The following IL1RAPL1 variants were observed in gnomAD, a reference collection of about 807,000 sequenced individuals.
IL1RAPL1 encodes the protein interleukin 1 receptor accessory protein like 1, also known as interleukin-1 receptor accessory protein-like 1.
Under a neutral mutation model 48.4 loss-of-function variants are expected in IL1RAPL1, and 3 were observed. That is an observed-to-expected ratio of 0.06 (90% CI 0.03 to 0.16). IL1RAPL1 has a LOEUF of 0.16. IL1RAPL1 is among the 10% of genes least tolerant of loss of function. The probability of loss-of-function intolerance (pLI) is 1.00; values close to 1 mark genes in which losing one functional copy is unlikely to be tolerated. For synonymous variants in IL1RAPL1, 185 were observed against 187.7 expected (o/e 0.99, Z 0.12); for missense variants, 349 against 530.6 (o/e 0.66, Z 3.36).
At chrX:29,289,592 G>A (rs770499857) in intron 3 of IL1RAPL1, among the ~76,000 whole-genome samples, 24 of 111,639 alleles carry the variant, frequency 2.1e-4, no homozygotes, top group Non-Finnish European at 4.3e-4. Flanking sequence ...GCATAAGTTT[G>A]TCTATGTCTA....
At chrX:29,444,390 A>G (rs1257063827) in intron 5 of IL1RAPL1, among the ~76,000 whole-genome samples, 1 of 109,449 alleles carries the variant, frequency 9.1e-6, no homozygotes, top group East Asian at 2.8e-4. Flanking sequence ...ATATGCATAC[A>G]GAAATGGAAG....
At position 29,498,413 on chromosome X, in the gene IL1RAPL1, A is replaced by C. The variant is rs757422363; in HGVS notation, c.703+99105A>C. Among the ~76,000 whole-genome samples the C allele has an allele frequency of 5.0e-4, 55 of 110,481 alleles. 1 individual carries two copies. In the Admixed American group the frequency reaches 5.3e-3, roughly 11 times the overall value. On this transcript the variant is annotated intron_variant, in intron 5 of 10. Coordinates refer to ENST00000378993, the MANE Select transcript of IL1RAPL1 (RefSeq NM_014271.4). Reference sequence around the variant, plus strand: ...TTCATTTCTTTTCATTGCCCTCTTCATTGTCTCTTACTCTCCTTTCTTGTT... The same window carrying C: ...TTCATTTCTTTTCATTGCCCTCTTCCTTGTCTCTTACTCTCCTTTCTTGTT...
At chrX:28,713,868 T>C (rs1007860912) in intron 1 of IL1RAPL1, among the ~76,000 whole-genome samples, 1 of 111,768 alleles carries the variant, frequency 8.9e-6, no homozygotes, top group African/African-American at 3.2e-5. Context: ...AAATTTCTAC[T>C]CATTTGAAGA....
intron 2 of IL1RAPL1, among the ~76,000 whole-genome samples, chrX:29,187,544 C>A (rs1363472136): frequency 3.6e-5 from 4 of 111,662 alleles, no homozygotes; most frequent in African/African-American, 1.3e-4. Flanking sequence ...AATCTTTATA[C>A]TGGACAGTAA....
intron 2 of IL1RAPL1, among the ~76,000 whole-genome samples, chrX:29,094,809 C>CAAAAA (rs1928175799): frequency 2.0e-5 from 1 of 49,004 alleles, no homozygotes; most frequent in African/African-American, 8.4e-5. Flanking sequence ...AAAGAAACAT[C>CAAAAA]TATTTAATAG....
At chrX:28,657,068 T>C (rs1350544842) in intron 1 of IL1RAPL1, among the ~76,000 whole-genome samples, 1 of 107,369 alleles carries the variant, frequency 9.3e-6, no homozygotes, top group African/African-American at 3.4e-5. Flanking sequence ...CCTACCAGAC[T>C]ATAAATGTAA....
intron 2 of IL1RAPL1, among the ~76,000 whole-genome samples, chrX:28,992,502 G>GAA (rs60650174): frequency 4.0e-5 from 2 of 49,603 alleles, no homozygotes; most frequent in African/African-American, 1.5e-4. Flanking sequence ...AAAAAAAAAA[G>GAA]AAAAAAAAAA....
At chrX:29,506,570 T>A (rs1325349795) in intron 5 of IL1RAPL1, among the ~76,000 whole-genome samples, 1 of 110,217 alleles carries the variant, frequency 9.1e-6, no homozygotes, top group Admixed American at 9.7e-5. Flanking sequence ...TAGTAAACCA[T>A]CAGAGTGCTT....
intron 2 of IL1RAPL1, among the ~76,000 whole-genome samples, chrX:29,121,646 C>G (rs755060095): frequency 2.7e-5 from 3 of 112,093 alleles, no homozygotes; most frequent in Non-Finnish European, 5.6e-5. Context: ...TGATCCTAGA[C>G]AGAAAAGGTT....
At chrX:29,685,558 T>C (rs1926590523) in intron 6 of IL1RAPL1, among the ~76,000 whole-genome samples, 1 of 111,685 alleles carries the variant, frequency 9.0e-6, no homozygotes, top group Non-Finnish European at 1.9e-5. Context: ...GAGGTGCTTT[T>C]ATTATGTAAA....
chrX:29,402,338 C>A (rs1976313009), intron 5 of IL1RAPL1, among the ~76,000 whole-genome samples: 1 of 111,192 alleles, frequency 9.0e-6, no homozygotes, highest in Non-Finnish European at 1.9e-5. Context: ...AAAATGTTAT[C>A]CCCTTGTTGA....
At chrX:28,674,150 AACTT>A (rs781252539) in intron 1 of IL1RAPL1, among the ~76,000 whole-genome samples, 1 of 111,878 alleles carries the variant, frequency 8.9e-6, no homozygotes, top group Non-Finnish European at 1.9e-5. Flanking sequence ...ACTAAATAGA[AACTT>A]ACTTAGCTTA....
intron 5 of IL1RAPL1, among the ~76,000 whole-genome samples, chrX:29,479,168 G>A (rs746531206): frequency 9.1e-6 from 1 of 109,359 alleles, no homozygotes; most frequent in African/African-American, 3.3e-5. Flanking sequence ...CCAGCACTTG[G>A]AGAGGCCAAG....
chrX:29,371,388 T>C (rs992768457), intron 3 of IL1RAPL1, among the ~76,000 whole-genome samples: 2 of 111,373 alleles, frequency 1.8e-5, no homozygotes, highest in Non-Finnish European at 3.8e-5. Context: ...TGCCTCGGCC[T>C]CCCAGAGTGC....
intron 2 of IL1RAPL1, among the ~76,000 whole-genome samples, chrX:29,233,610 G>T (rs1050811375): frequency 1.5e-4 from 17 of 111,003 alleles, no homozygotes; most frequent in Admixed American, 1.4e-3. Flanking sequence ...AGAGTTTCTT[G>T]CCTCCCTGTT....
At chrX:29,896,677 G>GTTGT (rs1158650636) in intron 6 of IL1RAPL1, among the ~76,000 whole-genome samples, 2 of 111,853 alleles carry the variant, frequency 1.8e-5, no homozygotes, top group Non-Finnish European at 1.9e-5. Context: ...TGTGTTTTTT[G>GTTGT]TTGTTAGTTG....
At chrX:29,311,414 T>C (rs747306742) in intron 3 of IL1RAPL1, among the ~76,000 whole-genome samples, 1 of 112,050 alleles carries the variant, frequency 8.9e-6, no homozygotes, top group South Asian at 3.7e-4. Flanking sequence ...TTTTCAGGAA[T>C]ACTAGCCTGT....
In IL1RAPL1 at chrX:29,864,584, T is replaced by C. The variant is rs755142847; in HGVS notation, c.779-52880T>C. Among the ~76,000 whole-genome samples the C allele has an allele frequency of 2.7e-5, 3 of 112,161 alleles. No individual in the cohort carries two copies. The East Asian group carries it at 8.4e-4, about 31-fold the overall frequency. Reference sequence around the variant, plus strand: ...ATTGTAGAGACATTCCCTACTCTTGTATGAAGAGGGTATACAAATCTAGTA... The same window carrying C: ...ATTGTAGAGACATTCCCTACTCTTGCATGAAGAGGGTATACAAATCTAGTA... On this transcript the variant is annotated intron_variant, in intron 6 of 10. Coordinates refer to ENST00000378993, the MANE Select transcript of IL1RAPL1 (RefSeq NM_014271.4).
At chrX:29,912,214 G>C (rs1251453745) in intron 6 of IL1RAPL1, among the ~76,000 whole-genome samples, 1 of 111,780 alleles carries the variant, frequency 8.9e-6, no homozygotes, top group Non-Finnish European at 1.9e-5. Flanking sequence ...AGGAGGCTCT[G>C]TACTTACTTA....
Sources: allele counts gnomAD v4.1 joint callset (sites outside exome capture counted in the v4.1 genomes callset), GRCh38; gene constraint gnomAD v4.1.1; transcripts MANE v1.5; gene names NCBI Gene and HGNC (gene_info 2026-07-23, HGNC 2026-07-21).